HS3ST4: variants seen among roughly 807,000 people sequenced by gnomAD.
HS3ST4 encodes the protein heparan sulfate glucosamine 3-O-sulfotransferase 4.
In HS3ST4, 17 loss-of-function variants were observed where a neutral mutation model predicts 29.2. That is an observed-to-expected ratio of 0.58 (90% CI 0.40 to 0.87). The LOEUF (loss-of-function observed/expected upper bound fraction) is 0.87. Ranked by LOEUF, HS3ST4 falls within the 40% of genes least tolerant of loss-of-function variation. HS3ST4 has a pLI of 0.00. For synonymous variants in HS3ST4, 314 were observed against 285.7 expected, an observed-to-expected ratio of 1.10 and a Z score of -1.00; for missense variants, 627 against 634.5, an observed-to-expected ratio of 0.99 and a Z score of 0.13.
intron 1 of HS3ST4, among the ~76,000 whole-genome samples, chr16:26,092,468 T>C (rs1315821048): frequency 6.6e-6 from 1 of 152,228 alleles, no homozygotes; most frequent in Non-Finnish European, 1.5e-5. Context: ...GCTCTGGCTC[T>C]GGCTCCAGAT....
At chr16:25,751,181 C>T (rs7199832) in intron 1 of HS3ST4, among the ~76,000 whole-genome samples, 140,637 of 152,300 alleles carry the variant, frequency 0.92, 64,954 homozygotes, top group East Asian at 1. Flanking sequence ...GACCATGGCC[C>T]GGTTTGCAAT....
At chr16:26,115,365 G>T (rs1899188861) in intron 1 of HS3ST4, among the ~76,000 whole-genome samples, 1 of 151,860 alleles carries the variant, frequency 6.6e-6, no homozygotes, top group African/African-American at 2.4e-5. Context: ...AGCATAGAGA[G>T]ACAGGGGATT....
chr16:25,925,492 C>T (rs892728908), intron 1 of HS3ST4, among the ~76,000 whole-genome samples: 5 of 152,226 alleles, frequency 3.3e-5, no homozygotes, highest in African/African-American at 7.2e-5. Flanking sequence ...TACGCCGCGA[C>T]GCTGTTGAAA....
intron 1 of HS3ST4, among the ~76,000 whole-genome samples, chr16:26,079,471 GATA>G (rs1410042339): frequency 2.6e-5 from 4 of 152,230 alleles, no homozygotes; most frequent in Admixed American, 6.5e-5. Flanking sequence ...TAACAGTAAC[GATA>G]ATAATAACAA....
intron 1 of HS3ST4, among the ~76,000 whole-genome samples, chr16:25,800,100 TCCTTCCTG>T (rs150371566): frequency 0.028 from 4,175 of 149,676 alleles, 154 homozygotes; most frequent in African/African-American, 0.084. Context: ...CTGCCTTCCT[TCCTTCCTG>T]CCTTCCTGCC....
chr16:25,861,101 T>C (rs1181378683), intron 1 of HS3ST4, among the ~76,000 whole-genome samples: 3 of 150,596 alleles, frequency 2.0e-5, no homozygotes, highest in East Asian at 3.8e-4. Context: ...GCCTGTCTTA[T>C]GTTAGGGTGC....
chr16:25,719,149 G>A (rs964818557), intron 1 of HS3ST4, among the ~76,000 whole-genome samples: 2 of 152,248 alleles, frequency 1.3e-5, no homozygotes, highest in Admixed American at 1.3e-4. Flanking sequence ...AGATGCCAGT[G>A]TAATACTAAA....
chr16:25,771,401 C>A (rs924620551), intron 1 of HS3ST4, among the ~76,000 whole-genome samples: 1 of 152,084 alleles, frequency 6.6e-6, no homozygotes, highest in South Asian at 2.1e-4. Flanking sequence ...CTGTCTGCCC[C>A]AGCCACAGGA....
intron 1 of HS3ST4, among the ~76,000 whole-genome samples, chr16:25,913,634 T>C (rs146185642): frequency 1.1e-4 from 16 of 152,304 alleles, no homozygotes; most frequent in African/African-American, 3.6e-4. Context: ...AGGTGAATAG[T>C]GTTTTGCAGG....
At chr16:26,130,312 G>T (rs776505518) in intron 1 of HS3ST4, among the ~76,000 whole-genome samples, 24 of 152,190 alleles carry the variant, frequency 1.6e-4, no homozygotes, top group Non-Finnish European at 2.6e-4. Flanking sequence ...TTCAGACAGG[G>T]ATGGGAGGAA....
At chr16:25,766,820 C>T (rs777519800) in intron 1 of HS3ST4, among the ~76,000 whole-genome samples, 12 of 152,166 alleles carry the variant, frequency 7.9e-5, no homozygotes, top group Non-Finnish European at 1.3e-4. Flanking sequence ...AGTTTACCCT[C>T]AAGACATCTC....
chr16:25,906,575 T>C (rs1305131214), intron 1 of HS3ST4, among the ~76,000 whole-genome samples: 1 of 152,094 alleles, frequency 6.6e-6, no homozygotes, highest in African/African-American at 2.4e-5. Flanking sequence ...AGCAGATAAA[T>C]ATAAAATATA....
chr16:26,067,901 G>A (rs1474854701), intron 1 of HS3ST4, among the ~76,000 whole-genome samples: 1 of 152,194 alleles, frequency 6.6e-6, no homozygotes, highest in Non-Finnish European at 1.5e-5. Context: ...CACCATGCAA[G>A]ACGTGACTTT....
intron 1 of HS3ST4, among the ~76,000 whole-genome samples, chr16:26,129,559 A>G (rs1447782215): frequency 6.6e-6 from 1 of 152,220 alleles, no homozygotes; most frequent in Non-Finnish European, 1.5e-5. Context: ...AACTTACTCT[A>G]TGAGAGTCAC....
intron 1 of HS3ST4, among the ~76,000 whole-genome samples, chr16:25,715,988 C>A (rs985640930): frequency 6.6e-6 from 1 of 151,818 alleles, no homozygotes; most frequent in African/African-American, 2.4e-5. Flanking sequence ...GGAAAGAGGT[C>A]AGGGGGATCC....
intron 1 of HS3ST4, among the ~76,000 whole-genome samples, chr16:25,876,049 C>T (rs761454414): frequency 5.5e-4 from 83 of 152,106 alleles, no homozygotes; most frequent in African/African-American, 1.9e-3. Flanking sequence ...GGAACATAAC[C>T]TCCACGATGA....
At chr16:25,783,471 G>GTT (rs34694041) in intron 1 of HS3ST4, among the ~76,000 whole-genome samples, 133 of 146,390 alleles carry the variant, frequency 9.1e-4, no homozygotes, top group Middle Eastern at 3.5e-3. Context: ...GCCAATTCTA[G>GTT]TTTTTTTTTT....
intron 1 of HS3ST4, among the ~76,000 whole-genome samples, chr16:25,776,733 T>A (rs78759130): frequency 0.023 from 3,471 of 152,328 alleles, 142 homozygotes; most frequent in African/African-American, 0.08. Flanking sequence ...TTCCCTTTTA[T>A]CTGAAGCTCA....
At chr16:25,874,241 G>A (rs2141661185) in intron 1 of HS3ST4, among the ~76,000 whole-genome samples, 1 of 152,170 alleles carries the variant, frequency 6.6e-6, no homozygotes, top group South Asian at 2.1e-4. Flanking sequence ...AAAAAAAGAT[G>A]ACATTTGATC....
Sources: allele counts gnomAD v4.1 joint callset (sites outside exome capture counted in the v4.1 genomes callset), GRCh38; gene constraint gnomAD v4.1.1; transcripts MANE v1.5; gene names NCBI Gene and HGNC (gene_info 2026-07-23, HGNC 2026-07-21).